Variants in TRAPPC9 observed in about 807,000 individuals in gnomAD.
The protein encoded by TRAPPC9 is trafficking protein particle complex subunit 9.
Under a neutral mutation model 124.0 loss-of-function variants are expected in TRAPPC9, and 83 were observed. The ratio of observed to expected loss-of-function variants is 0.67; its 90% CI spans 0.56 to 0.80. TRAPPC9 has a LOEUF of 0.80. Ranked by LOEUF, TRAPPC9 falls within the 30% of genes least tolerant of loss-of-function variation. The probability of loss-of-function intolerance (pLI) is 0.00; values close to 1 mark genes in which losing one functional copy is unlikely to be tolerated. For synonymous variants in TRAPPC9, 638 were observed against 617.5 expected (o/e 1.03, Z -0.49); for missense variants, 1,302 against 1,508.3 (o/e 0.86, Z 2.27).
At chr8:140,338,544 G>A (rs1458873999) in intron 9 of TRAPPC9, among the ~76,000 whole-genome samples, 7 of 152,236 alleles carry the variant, frequency 4.6e-5, no homozygotes, top group Non-Finnish European at 7.3e-5. Flanking sequence ...CTCAGAATGT[G>A]ACCGTGTGTG....
At chr8:140,356,514 C>G (rs1201716866) in intron 9 of TRAPPC9, among the ~76,000 whole-genome samples, 1 of 152,138 alleles carries the variant, frequency 6.6e-6, no homozygotes, top group African/African-American at 2.4e-5. Context: ...AGATATGGCC[C>G]ATGCCCTTGA....
chr8:140,050,330 G>A (rs1478270588), intron 17 of TRAPPC9, among the ~76,000 whole-genome samples: 1 of 152,226 alleles, frequency 6.6e-6, no homozygotes, highest in Non-Finnish European at 1.5e-5. Context: ...CTCTCCAACT[G>A]GAGAATGCAG....
At chr8:140,272,528 G>T (rs1170213576) in intron 15 of TRAPPC9, among the ~76,000 whole-genome samples, 4 of 150,804 alleles carry the variant, frequency 2.7e-5, no homozygotes, top group Admixed American at 2.6e-4. Flanking sequence ...AGTGGCAAAA[G>T]TAGCAGTGTA....
At chr8:140,201,149 G>A (rs889968462) in intron 17 of TRAPPC9, among the ~76,000 whole-genome samples, 2 of 152,216 alleles carry the variant, frequency 1.3e-5, no homozygotes, top group African/African-American at 2.4e-5. Context: ...GCCAGGCAGA[G>A]GCGGGACTGT....
intron 5 of TRAPPC9, among the ~76,000 whole-genome samples, chr8:140,419,085 A>C (rs1017245165): frequency 6.6e-6 from 1 of 152,158 alleles, no homozygotes; most frequent in Non-Finnish European, 1.5e-5. Flanking sequence ...CAAGGTCAGG[A>C]GATCGAGATC....
At chr8:140,206,756 C>CAT (rs150660269) in intron 17 of TRAPPC9, among the ~76,000 whole-genome samples, 3,912 of 145,770 alleles carry the variant, frequency 0.027, 125 homozygotes, top group African/African-American at 0.077. Context: ...CATATACATA[C>CAT]ATATATATAT....
intron 21 of TRAPPC9, among the ~76,000 whole-genome samples, chr8:139,763,321 G>C (rs1306228391): frequency 2.6e-5 from 4 of 152,204 alleles, no homozygotes; most frequent in African/African-American, 7.2e-5. Flanking sequence ...CTACAGGAAG[G>C]CCTCGCCTTT....
intron 2 of TRAPPC9, among the ~76,000 whole-genome samples, chr8:140,442,392 G>A (rs1214736065): frequency 6.6e-6 from 1 of 152,038 alleles, no homozygotes; most frequent in Non-Finnish European, 1.5e-5. Context: ...AAGGTCAGGA[G>A]ATTGAGACCA....
Position 140,457,709 on chromosome 8 carries a change from G to T in TRAPPC9, c.-81C>A, listed in dbSNP as rs1369619876. The T allele has an allele frequency of 1.0e-6, 1 of 988,176 alleles. No individual in the cohort carries two copies. The highest frequency in any genetic ancestry group is 1.2e-6 in the Non-Finnish European group (1 of 831,730). 61.2% of individuals were successfully genotyped at this position (988,176 alleles called of 1,614,324 possible). On this transcript the variant is annotated 5_prime_UTR_variant, in exon 1 of 23. Transcript: ENST00000438773. ...GGCAGCGGGGCCGAGCAGCCTCTGC[G>T]GCCACTTCCCAGGCTCTGGGCTGGC...
intron 4 of TRAPPC9, 60 bp downstream of exon 4, chr8:140,435,052 T>C: frequency 6.2e-7 from 1 of 1,612,578 alleles, no homozygotes; most frequent in Non-Finnish European, 8.5e-7. Flanking sequence ...AAGTAACAAA[T>C]GAGTCTGCTT....
At chr8:140,109,401 T>C (rs1343119720) in intron 17 of TRAPPC9, among the ~76,000 whole-genome samples, 1 of 152,118 alleles carries the variant, frequency 6.6e-6, no homozygotes, top group African/African-American at 2.4e-5. Flanking sequence ...AAATGGATGA[T>C]TATCATCTAG....
At chr8:139,941,526 G>A (rs574667744) in intron 19 of TRAPPC9, among the ~76,000 whole-genome samples, 30 of 152,318 alleles carry the variant, frequency 2.0e-4, no homozygotes, top group African/African-American at 5.8e-4. Context: ...TGGCAGGAGG[G>A]CAGTCAGTGC....
chr8:140,450,415 C>T (rs1231404152), intron 2 of TRAPPC9, among the ~76,000 whole-genome samples: 1 of 152,158 alleles, frequency 6.6e-6, no homozygotes, highest in Non-Finnish European at 1.5e-5. Context: ...CAAAATCTGG[C>T]GTGGGTTTTA....
rs1005459584 is a variant in TRAPPC9 at position 140,150,719 on chromosome 8, G to C, written c.2556+70740C>G. ...CACCCACATCCCAGGGGCCTGGGGA[G>C]AAGATGAACCTAGGAAGAAATCGGA... On this transcript the variant is annotated intron_variant, in intron 17 of 22. Transcript: ENST00000438773. 3.9e-5 allele frequency among the ~76,000 whole-genome samples: 6 copies of C among 152,184 alleles called. No individual in the cohort carries two copies. The South Asian group carries it at 1.2e-3, about 31-fold the overall frequency.
chr8:140,070,210 A>G (rs1217094292), intron 17 of TRAPPC9, among the ~76,000 whole-genome samples: 1 of 152,252 alleles, frequency 6.6e-6, no homozygotes, highest in Non-Finnish European at 1.5e-5. Context: ...ATACAAATAC[A>G]CTTGGAAGGG....
intron 9 of TRAPPC9, among the ~76,000 whole-genome samples, chr8:140,351,617 A>G (rs2067580615): frequency 6.6e-6 from 1 of 152,214 alleles, no homozygotes. Context: ...AAAAATAAAA[A>G]TAAATAAATA....
chr8:140,077,872 G>C (rs187198953), intron 17 of TRAPPC9, among the ~76,000 whole-genome samples: 16 of 152,310 alleles, frequency 1.1e-4, no homozygotes, highest in Non-Finnish European at 1.8e-4. Flanking sequence ...GATGGAAAAG[G>C]CTGCGTGGCC....
chr8:140,157,403 C>CCA, intron 17 of TRAPPC9, among the ~76,000 whole-genome samples: 2 of 152,116 alleles, frequency 1.3e-5, no homozygotes, highest in African/African-American at 2.4e-5. Context: ...CCTTCCTTCT[C>CCA]TTCTTTCTGT....
At chr8:140,274,173 T>C (rs1316933663) in intron 15 of TRAPPC9, among the ~76,000 whole-genome samples, 2 of 151,308 alleles carry the variant, frequency 1.3e-5, no homozygotes, top group African/African-American at 4.9e-5. Flanking sequence ...CAATAAAAAA[T>C]ACACTTGTTA....
Sources: gnomAD v4.1 joint callset for allele counts (sites outside exome capture counted in the v4.1 genomes callset) on GRCh38, gnomAD v4.1.1 for gene constraint, MANE v1.5 for transcripts, NCBI Gene and HGNC (gene_info 2026-07-23, HGNC 2026-07-21) for gene names.